Variants in EEF2K observed in about 807,000 individuals in gnomAD.
The protein encoded by EEF2K is alternative protein EEF2K.
Under a neutral mutation model 93.8 loss-of-function variants are expected in EEF2K, and 70 were observed. The observed-to-expected ratio is 0.75, with a 90% CI of 0.62 to 0.91. The LOEUF (loss-of-function observed/expected upper bound fraction) is 0.91. EEF2K is among the 40% of genes least tolerant of loss of function. The pLI, the probability that EEF2K is intolerant of heterozygous loss-of-function variation, is 0.00. For missense variants in EEF2K, 935 were observed against 972.9 expected (o/e 0.96, Z 0.52); for synonymous variants, 376 against 380.8 (o/e 0.99, Z 0.15).
chr16:22,240,552 T>C (rs2047211850), intron 2 of EEF2K, among the ~76,000 whole-genome samples: 1 of 152,156 alleles, frequency 6.6e-6, no homozygotes, highest in African/African-American at 2.4e-5. Flanking sequence ...TACTAGGAAA[T>C]GTTGGAGGGA....
chr16:22,276,137 G>A (rs1350971801), intron 16 of EEF2K, among the ~76,000 whole-genome samples: 2 of 151,782 alleles, frequency 1.3e-5, no homozygotes, highest in African/African-American at 4.8e-5. Flanking sequence ...GTAGAGACAA[G>A]GGCTTGCTAT....
intron 2 of EEF2K, among the ~76,000 whole-genome samples, chr16:22,232,286 G>T (rs1461283954): frequency 2.0e-5 from 3 of 152,138 alleles, no homozygotes; most frequent in East Asian, 1.9e-4. Flanking sequence ...GAGTACAGTG[G>T]CATGATCATA....
intron 2 of EEF2K, among the ~76,000 whole-genome samples, chr16:22,231,111 CAG>C (rs1006412746): frequency 6.6e-6 from 1 of 151,470 alleles, no homozygotes; most frequent in African/African-American, 2.4e-5. Context: ...TTTTCTGAGA[CAG>C]AGTCTTGCTC....
In EEF2K at chr16:22,284,096, T is replaced by A; in HGVS notation, c.*100T>A. On this transcript the variant is annotated 3_prime_UTR_variant, in exon 18 of 18. Transcript: ENST00000263026. ...TATTTAGTTTGGGGAGGGGAAGCAT[T>A]TTTAAGTGTGTTGTAAAATCAAATT... is the stretch of plus-strand genomic sequence containing the variant. 9.4e-7 allele frequency: 1 copy of A among 1,063,644 alleles called. No individual in the cohort carries two copies. The highest frequency in any genetic ancestry group is 1.4e-6 in the Non-Finnish European group (1 of 730,392). The allele number at this position is 1,063,644 out of a possible 1,614,324, so 65.9% of individuals were successfully genotyped here.
intron 15 of EEF2K, among the ~76,000 whole-genome samples, chr16:22,268,947 A>C (rs1598202546): frequency 1.4e-5 from 2 of 146,464 alleles, no homozygotes; most frequent in Non-Finnish European, 3.0e-5. Context: ...ACAGAGCAAG[A>C]CTCCATCTCA....
intron 2 of EEF2K, among the ~76,000 whole-genome samples, chr16:22,243,345 G>C (rs1289803796): frequency 6.6e-6 from 1 of 150,646 alleles, no homozygotes; most frequent in Non-Finnish European, 1.5e-5. Context: ...TCTGCCTCCT[G>C]GGTTCAAGCG....
intron 1 of EEF2K, among the ~76,000 whole-genome samples, chr16:22,221,473 A>AT (rs141268430): frequency 2.8e-4 from 43 of 151,790 alleles, no homozygotes; most frequent in African/African-American, 1.0e-3. Flanking sequence ...TAAAAATAAC[A>AT]TTTAAAAAAA....
At position 22,286,965 on chromosome 16, in the gene EEF2K, G is replaced by A. The variant is rs2047759269; in HGVS notation, c.*2969G>A. ...TGGTCTGTTGCTCTTCGGGGAGGGA[G>A]AGATGGCCTGGATACAGAGCTAAGC... On this transcript the variant is annotated 3_prime_UTR_variant, in exon 18 of 18. Transcript: ENST00000263026. The A allele has an allele frequency of 6.6e-6, 1 of 152,308 alleles. No homozygotes were observed. The highest frequency in any genetic ancestry group is 2.4e-5 in the African/African-American group (1 of 41,468). The allele number at this position is 152,308 out of a possible 1,614,324, so 9.4% of individuals were successfully genotyped here. A position where few individuals can be genotyped will look rare whatever the true frequency, so the allele number is the denominator to read the frequency against.
At chr16:22,274,787 G>T (rs9889164) in intron 16 of EEF2K, among the ~76,000 whole-genome samples, 20,758 of 151,774 alleles carry the variant, frequency 0.14, 4,740 homozygotes, top group African/African-American at 0.47. Flanking sequence ...TTTTAAATTT[G>T]TTGGAGAGAT....
intron 1 of EEF2K, among the ~76,000 whole-genome samples, chr16:22,222,624 C>G (rs2047025056): frequency 1.3e-5 from 2 of 149,154 alleles, no homozygotes; most frequent in Middle Eastern, 3.2e-3. Flanking sequence ...AATCCCAGCA[C>G]TTTGGGAGGC....
rs774988075 is a variant in EEF2K at position 22,251,318 on chromosome 16, A to G, written c.614A>G (p.Lys205Arg). 36 of 1,613,816 alleles carry G rather than the reference A, an allele frequency of 2.2e-5. No individual in the cohort carries two copies. Among genetic ancestry groups the G allele is most frequent in the Non-Finnish European group, 3.1e-5 (36 of 1,179,930 alleles). The change falls in exon 6 of 18, where the codon AAG (lysine) becomes AGG (arginine). Residue 205 changes from lysine (K) to arginine (R), a missense_variant. Coordinates refer to ENST00000263026, the MANE Select transcript of EEF2K (RefSeq NM_013302.5). Reference protein sequence around the residue: ...GEEYNRHKPPKQVDIMQMCII... With the variant: ...GEEYNRHKPPRQVDIMQMCII... ...GAGTATAATCGGCACAAGCCCCCCA[A>G]GCAGGTGCGTGGCCCCACTACCTGC...
chr16:22,213,261 CAG>C (rs1218837239), intron 1 of EEF2K, among the ~76,000 whole-genome samples: 2 of 152,220 alleles, frequency 1.3e-5, no homozygotes, highest in Non-Finnish European at 2.9e-5. Flanking sequence ...GCCTGGGCGA[CAG>C]AGTGAGACTC....
chr16:22,236,236 C>T (rs1379338192), intron 2 of EEF2K, among the ~76,000 whole-genome samples: 1 of 152,142 alleles, frequency 6.6e-6, no homozygotes, highest in Non-Finnish European at 1.5e-5. Context: ...CACTGTGTTC[C>T]CCCACTTCTT....
intron 16 of EEF2K, among the ~76,000 whole-genome samples, chr16:22,277,422 A>G (rs975122859): frequency 1.1e-4 from 17 of 152,248 alleles, no homozygotes; most frequent in African/African-American, 4.1e-4. Flanking sequence ...GGCATGAGCC[A>G]TATCTGGCCA....
intron 16 of EEF2K, among the ~76,000 whole-genome samples, chr16:22,274,062 T>TC (rs1347019261): frequency 1.4e-4 from 21 of 152,098 alleles, no homozygotes; most frequent in Admixed American, 1.4e-3. Flanking sequence ...TCCCAGTACT[T>TC]TGGGAGGCCA....
At chr16:22,207,744 G>A (rs1213415938) in intron 1 of EEF2K, among the ~76,000 whole-genome samples, 1 of 152,114 alleles carries the variant, frequency 6.6e-6, no homozygotes, top group Non-Finnish European at 1.5e-5. Context: ...CAGGCCCACA[G>A]AAGCTCCCTA....
At chr16:22,221,934 G>A (rs1022717961) in intron 1 of EEF2K, among the ~76,000 whole-genome samples, 5 of 152,004 alleles carry the variant, frequency 3.3e-5, no homozygotes, top group Non-Finnish European at 7.4e-5. Flanking sequence ...GCTGGGTGTG[G>A]TGGTGGGCTC....
intron 2 of EEF2K, among the ~76,000 whole-genome samples, chr16:22,239,499 T>C (rs577922926): frequency 6.6e-6 from 1 of 152,182 alleles, no homozygotes; most frequent in Non-Finnish European, 1.5e-5. Context: ...GAATATGAGC[T>C]GAGACTGGTG....
At chr16:22,273,325 A>G (rs1194155788) in intron 15 of EEF2K, among the ~76,000 whole-genome samples, 1 of 152,344 alleles carries the variant, frequency 6.6e-6, no homozygotes, top group South Asian at 2.1e-4. Context: ...GGCCATAGCC[A>G]TAGAAACAGG....
Sources: gnomAD v4.1 joint callset for allele counts (sites outside exome capture counted in the v4.1 genomes callset) on GRCh38, gnomAD v4.1.1 for gene constraint, MANE v1.5 for transcripts, NCBI Gene and HGNC (gene_info 2026-07-23, HGNC 2026-07-21) for gene names.